Variants in UBR1 observed in about 807,000 individuals in gnomAD.
UBR1 encodes E3 ubiquitin-protein ligase UBR1.
A neutral mutation model predicts 242.1 loss-of-function variants in UBR1; 102 were observed. That is an observed-to-expected ratio of 0.42 (90% confidence interval 0.36 to 0.50). UBR1 has a LOEUF of 0.50. Ranked by LOEUF, UBR1 falls within the 20% of genes least tolerant of loss-of-function variation. UBR1 has a pLI of 0.01. For synonymous variants in UBR1, 675 were observed against 684.8 expected (o/e 0.99, Z 0.22); for missense variants, 1,772 against 2,101.8 (o/e 0.84, Z 3.07).
At chr15:43,004,399 T>C (rs1377727681) in intron 30 of UBR1, among the ~76,000 whole-genome samples, 1 of 152,056 alleles carries the variant, frequency 6.6e-6, no homozygotes, top group Non-Finnish European at 1.5e-5. Flanking sequence ...CTGTCCCCGG[T>C]CTCCCTCTGA....
At chr15:43,093,777 G>A (rs1398215925) in intron 1 of UBR1, among the ~76,000 whole-genome samples, 1 of 139,084 alleles carries the variant, frequency 7.2e-6, no homozygotes, top group Non-Finnish European at 1.5e-5. Flanking sequence ...GGAACAGAGT[G>A]AGGCTCCGTC....
At chr15:43,027,721 AC>A in intron 22 of UBR1, 54 bp downstream of exon 22, 1 of 1,527,300 alleles carries the variant, frequency 6.5e-7, no homozygotes, top group South Asian at 1.1e-5. Context: ...TATCCAAAGT[AC>A]AAGAACAAAG....
chr15:43,036,379 T>G, intron 18 of UBR1, 100 bp from the exon 19 acceptor site: 1 of 1,240,304 alleles, frequency 8.1e-7, no homozygotes, highest in Non-Finnish European at 1.2e-6. Context: ...CAGAAGATAA[T>G]GTAGTAGTCC....
In UBR1 at chr15:43,047,218, A is replaced by T; in HGVS notation, c.1611T>A (p.Ala537=). The T allele has an allele frequency of 1.2e-6, 2 of 1,614,194 alleles. No homozygotes were observed. Among genetic ancestry groups the T allele is most frequent in the Non-Finnish European group, 1.7e-6 (2 of 1,180,026 alleles). ...EVDPDWEAAI[A]IQMQLKNILL... is the part of the protein sequence containing the mutation. Reference sequence around the variant, plus strand: ...AAATATTCTTCAATTGCATCTGTATAGCAATGGCAGCCTCCCAATCAGGAT... The same window carrying T: ...AAATATTCTTCAATTGCATCTGTATTGCAATGGCAGCCTCCCAATCAGGAT... Residue 537 remains alanine, a synonymous_variant, in exon 14 of 47, where the codon GCT becomes GCA. Coordinates refer to ENST00000290650, the MANE Select transcript of UBR1 (RefSeq NM_174916.3).
At chr15:42,966,059 GT>G in intron 41 of UBR1, 93 bp downstream of exon 41, 1 of 1,577,400 alleles carries the variant, frequency 6.3e-7, no homozygotes, top group East Asian at 2.3e-5. Flanking sequence ...AGGAGAAGTG[GT>G]TTTATCTGCT....
chr15:43,021,991 C>G (rs1250432378), intron 26 of UBR1, among the ~76,000 whole-genome samples: 1 of 152,170 alleles, frequency 6.6e-6, no homozygotes, highest in Admixed American at 6.5e-5. Context: ...CCCTAAATAT[C>G]TGTCTCTGGT....
At chr15:43,019,751 C>T (rs1469803670) in intron 27 of UBR1, among the ~76,000 whole-genome samples, 4 of 137,832 alleles carry the variant, frequency 2.9e-5, no homozygotes, top group Non-Finnish European at 4.7e-5. Context: ...CCTGCCACCA[C>T]GCCCAGCTAA....
chr15:43,050,723 T>TAAA (rs71108195), intron 12 of UBR1, among the ~76,000 whole-genome samples: 4 of 118,596 alleles, frequency 3.4e-5, no homozygotes, highest in African/African-American at 5.9e-5. Flanking sequence ...GACTCCGTCT[T>TAAA]AAAAAAAAAA....
intron 15 of UBR1, among the ~76,000 whole-genome samples, 171 bp from the exon 16 acceptor site, chr15:43,038,403 G>A (rs1421912864): frequency 6.6e-6 from 1 of 152,154 alleles, no homozygotes; most frequent in Non-Finnish European, 1.5e-5. Flanking sequence ...GAGGTCAGGA[G>A]TTCAAGACCA....
chr15:43,021,233 A>G (rs2033106532), intron 27 of UBR1, 42 bp downstream of exon 27: 3 of 1,557,604 alleles, frequency 1.9e-6, no homozygotes, highest in South Asian at 1.1e-5. Context: ...GAATTCTTAA[A>G]TATTTAAACC....
chr15:43,005,556 C>A (rs2032809347), intron 30 of UBR1, among the ~76,000 whole-genome samples: 1 of 152,166 alleles, frequency 6.6e-6, no homozygotes, highest in African/African-American at 2.4e-5. Flanking sequence ...AAGTGAGGAG[C>A]CCCTCTGCCC....
chr15:42,990,255 T>G (rs2032534240), intron 33 of UBR1, 135 bp from the exon 34 acceptor site: 2 of 671,980 alleles, frequency 3.0e-6, no homozygotes, highest in Non-Finnish European at 5.2e-6. Flanking sequence ...CATGATCATC[T>G]GTAGCTTCCA....
At position 43,066,488 on chromosome 15, in the gene UBR1, A is replaced by G. The variant is rs541285918; in HGVS notation, c.798+1410T>C. On this transcript the variant is annotated intron_variant, in intron 6 of 46. Coordinates refer to ENST00000290650, the MANE Select transcript of UBR1 (RefSeq NM_174916.3). ...TTGAATTTTTAAACAGTTTTTTCTA[A>G]TTCTGTGAAGAACATTAATGGTAGT... Among the ~76,000 whole-genome samples the G allele has an allele frequency of 3.6e-4, 55 of 152,228 alleles. No homozygotes were observed. The South Asian group carries it at 0.011, about 31-fold the overall frequency.
intron 46 of UBR1, among the ~76,000 whole-genome samples, chr15:42,948,979 C>T (rs570768635): frequency 6.6e-5 from 10 of 152,168 alleles, no homozygotes; most frequent in African/African-American, 1.2e-4. Flanking sequence ...CACATGCACA[C>T]GTATGTTTAT....
chr15:43,054,667 G>T lies in UBR1; in HGVS notation c.1439+75C>A, dbSNP rs1016122566. 6.6e-6 allele frequency: 10 copies of T among 1,519,222 alleles called. No homozygotes were observed. In the African/African-American group the frequency reaches 1.1e-4, roughly 17 times the overall value. 94.1% of individuals were successfully genotyped at this position (1,519,222 alleles called of 1,614,324 possible). A position where few individuals can be genotyped will look rare whatever the true frequency, so the allele number is the denominator to read the frequency against. ...TTCTGGATAACCAAAATGATCACAG[G>T]ATTACTTATAAGACACAGCAAATAA... On this transcript the variant is annotated intron_variant, in intron 12 of 46. Coordinates refer to ENST00000290650, the MANE Select transcript of UBR1 (RefSeq NM_174916.3).
At chr15:43,094,571 C>T (rs1483469484) in intron 1 of UBR1, among the ~76,000 whole-genome samples, 1 of 151,768 alleles carries the variant, frequency 6.6e-6, no homozygotes, top group Non-Finnish European at 1.5e-5. Flanking sequence ...CTAGCTCCTG[C>T]AAGCAAAGCA....
At chr15:43,038,069 T>C (rs2033360521) in intron 16 of UBR1, 102 bp downstream of exon 16, 1 of 1,372,808 alleles carries the variant, frequency 7.3e-7, no homozygotes, top group Non-Finnish European at 1.0e-6. Flanking sequence ...TAAATGGGAA[T>C]TCCTCAGGTG....
intron 15 of UBR1, among the ~76,000 whole-genome samples, chr15:43,039,224 A>G (rs961537024): frequency 1.3e-5 from 2 of 152,222 alleles, no homozygotes; most frequent in Non-Finnish European, 2.9e-5. Context: ...GTTTAAATAT[A>G]GGTGCTAAAA....
intron 26 of UBR1, 130 bp downstream of exon 26, chr15:43,022,572 G>T: frequency 3.6e-6 from 2 of 560,040 alleles, no homozygotes; most frequent in South Asian, 5.0e-5. Flanking sequence ...TTATTTCAGG[G>T]TTACCTATGT....
Sources: gnomAD v4.1 joint callset for allele counts (sites outside exome capture counted in the v4.1 genomes callset) on GRCh38, gnomAD v4.1.1 for gene constraint, MANE v1.5 for transcripts, NCBI Gene and HGNC (gene_info 2026-07-23, HGNC 2026-07-21) for gene names.